CEP135: variants seen among roughly 807,000 people sequenced by gnomAD.
CEP135 encodes centrosomal protein of 135 kDa.
In CEP135, 142 loss-of-function variants were observed where a neutral mutation model predicts 157.3. That is an observed-to-expected ratio of 0.90 (90% CI 0.79 to 1.04). The LOEUF (loss-of-function observed/expected upper bound fraction) is 1.04. Ranked by LOEUF, CEP135 falls within the 50% of genes least tolerant of loss-of-function variation. CEP135 has a pLI of 0.00. For missense variants in CEP135, 1,317 were observed against 1,309.2 expected, an observed-to-expected ratio of 1.01 and a Z score of -0.09; for synonymous variants, 396 against 439.8, an observed-to-expected ratio of 0.90 and a Z score of 1.25.
At chr4:55,998,717 T>C (rs551414794) in intron 15 of CEP135, among the ~76,000 whole-genome samples, 2 of 152,198 alleles carry the variant, frequency 1.3e-5, no homozygotes, top group Non-Finnish European at 2.9e-5. Flanking sequence ...ATAGAAAAAT[T>C]AGACAGGTGT....
chr4:56,032,057 G>A lies in CEP135; in HGVS notation c.*709G>A, dbSNP rs910475370. 1.3e-5 allele frequency: 2 copies of A among 152,172 alleles called. No individual in the cohort carries two copies. The highest frequency in any genetic ancestry group is 2.9e-5 in the Non-Finnish European group (2 of 68,016). 9.4% of individuals were successfully genotyped at this position (152,172 alleles called of 1,614,324 possible). A position where few individuals can be genotyped will look rare whatever the true frequency, so the allele number is the denominator to read the frequency against. On this transcript the variant is annotated 3_prime_UTR_variant, in exon 26 of 26. Transcript: ENST00000257287. ...AAAAGCAAACTAAAAGCTATATGCAGAGTTTTGTATAAAACAATAGAACAG... is the reference window on the plus strand; with the variant it reads ...AAAAGCAAACTAAAAGCTATATGCAAAGTTTTGTATAAAACAATAGAACAG...
chr4:56,019,033 A>G (rs1730878602), intron 22 of CEP135, among the ~76,000 whole-genome samples: 1 of 152,182 alleles, frequency 6.6e-6, no homozygotes, highest in Non-Finnish European at 1.5e-5. Context: ...CAGAGTAAGC[A>G]TATTCAACCA....
At chr4:55,989,826 G>A (rs1729725580) in intron 14 of CEP135, among the ~76,000 whole-genome samples, 1 of 152,186 alleles carries the variant, frequency 6.6e-6, no homozygotes, top group African/African-American at 2.4e-5. Flanking sequence ...GTAGCTCCTA[G>A]GAGTGCAAAC....
At position 55,965,667 on chromosome 4, in the gene CEP135, T is replaced by C. The variant is rs929992509; in HGVS notation, c.852T>C (p.Asn284=). 6.2e-7 allele frequency: 1 copy of C among 1,608,704 alleles called. No individual in the cohort carries two copies. The highest frequency in any genetic ancestry group is 1.3e-5 in the African/African-American group (1 of 74,398). ...AGGTTGACTTTCTTCAGCAAGCTAA[T>C]AAAGACCTGGAGAAGCGTATACGAG... ...NIQVDFLQQA[N]KDLEKRIREL... Residue 284 remains asparagine, a synonymous_variant, in exon 8 of 26, where the codon AAT becomes AAC. Coordinates refer to ENST00000257287, the MANE Select transcript of CEP135 (RefSeq NM_025009.5).
chr4:55,991,132 C>T (rs912077064), intron 14 of CEP135, among the ~76,000 whole-genome samples: 11 of 152,072 alleles, frequency 7.2e-5, no homozygotes, highest in African/African-American at 2.4e-4. Flanking sequence ...TGTGCCACCA[C>T]GCCTAGCTAA....
At chr4:55,969,443 A>G (rs1964471) in intron 9 of CEP135, among the ~76,000 whole-genome samples, 5 of 150,904 alleles carry the variant, frequency 3.3e-5, no homozygotes, top group South Asian at 2.1e-4. Flanking sequence ...AAAAAAAAAA[A>G]AAAAAGAAAA....
At chr4:55,976,235 CAAAAAAA>C (rs749867669) in intron 11 of CEP135, among the ~76,000 whole-genome samples, 1 of 79,598 alleles carries the variant, frequency 1.3e-5, no homozygotes, top group South Asian at 4.1e-4. Flanking sequence ...GCCTGGGTGA[CAAAAAAA>C]AAAAAAAGAA....
chr4:55,975,046 T>A, intron 11 of CEP135, 77 bp downstream of exon 11: 2 of 1,067,340 alleles, frequency 1.9e-6, no homozygotes, highest in Non-Finnish European at 2.7e-6. Flanking sequence ...ATATTAAATG[T>A]AACTTTATTC....
intron 14 of CEP135, among the ~76,000 whole-genome samples, chr4:55,989,831 G>A (rs1482103002): frequency 1.3e-5 from 2 of 152,154 alleles, no homozygotes; most frequent in South Asian, 4.1e-4. Context: ...TCCTAGGAGT[G>A]CAAACTTCAT....
At chr4:55,993,932 A>G (rs1331729988) in intron 15 of CEP135, among the ~76,000 whole-genome samples, 1 of 152,182 alleles carries the variant, frequency 6.6e-6, no homozygotes, top group Admixed American at 6.5e-5. Flanking sequence ...CCTTTCTACC[A>G]GGTTACCTTG....
Position 55,964,295 on chromosome 4 carries a change from A to ATAGAACGACTGTCAGTTGC in CEP135, c.723_741dup (p.Leu248ArgfsTer14). On this transcript the variant is annotated frameshift_variant, in exon 7 of 26. Transcript: ENST00000257287. LOFTEE classifies it high-confidence loss of function. The stretch of plus-strand genomic sequence containing the variant: ...TCAGATTGAGCTAAGAGAACGAGAG[A>ATAGAACGACTGTCAGTTGC]TAGAACGACTGTCAGTTGCTTTGGA... 6.2e-7 allele frequency: 1 copy of ATAGAACGACTGTCAGTTGC among 1,612,264 alleles called. No homozygotes were observed. The highest frequency in any genetic ancestry group is 8.5e-7 in the Non-Finnish European group (1 of 1,179,364).
chr4:55,959,231 G>GT, intron 5 of CEP135, among the ~76,000 whole-genome samples: 1 of 152,184 alleles, frequency 6.6e-6, no homozygotes, highest in Non-Finnish European at 1.5e-5. Flanking sequence ...GAAGGAATAG[G>GT]TTTTTTGCTG....
At chr4:56,017,607 G>T in intron 21 of CEP135, 41 bp from the exon 22 acceptor site, 1 of 1,479,014 alleles carries the variant, frequency 6.8e-7, no homozygotes, top group Non-Finnish European at 9.1e-7. Context: ...AAAATTATTG[G>T]GTTATTTTAA....
intron 8 of CEP135, among the ~76,000 whole-genome samples, chr4:55,968,141 A>G (rs1029230020): frequency 5.3e-5 from 8 of 152,224 alleles, no homozygotes; most frequent in African/African-American, 1.9e-4. Flanking sequence ...AAGGAAATTA[A>G]GAAAGTAATC....
intron 4 of CEP135, among the ~76,000 whole-genome samples, chr4:55,955,922 G>C (rs755178828): frequency 4.9e-4 from 74 of 152,260 alleles, no homozygotes; most frequent in Non-Finnish European, 9.1e-4. Context: ...AGTCATTGGA[G>C]TCTCATGGTA....
intron 7 of CEP135, chr4:55,964,990 C>G (rs1728798546): frequency 6.6e-6 from 1 of 152,054 alleles, no homozygotes; most frequent in Non-Finnish European, 1.5e-5. Context: ...TTTGGTATGA[C>G]AGAGTTGCCT....
chr4:56,009,414 G>T (rs960530289), intron 18 of CEP135, among the ~76,000 whole-genome samples: 1 of 151,888 alleles, frequency 6.6e-6, no homozygotes, highest in African/African-American at 2.4e-5. Context: ...TGCCCGCCTC[G>T]GCCTCCCAAA....
In CEP135 at chr4:55,980,158, G is replaced by A; in HGVS notation, c.1489G>A (p.Glu497Lys). 2 of 1,608,636 alleles carry A rather than the reference G, an allele frequency of 1.2e-6. No homozygotes were observed. Among genetic ancestry groups the A allele is most frequent in the Non-Finnish European group, 1.7e-6 (2 of 1,177,840 alleles). The change falls in exon 12 of 26, where the codon GAA becomes AAA. Residue 497 changes from glutamate (E) to lysine (K), a missense_variant. Coordinates refer to ENST00000257287, the MANE Select transcript of CEP135 (RefSeq NM_025009.5). ...RTPEKGDYNS[E>K]IHQITRERDE... ...TATGTTTCAGGGTGATTACAATTCA[G>A]AAATTCATCAGATCACAAGAGAAAG... is the stretch of plus-strand genomic sequence containing the variant.
chr4:55,990,488 C>G (rs1024673087), intron 14 of CEP135, among the ~76,000 whole-genome samples: 2 of 152,016 alleles, frequency 1.3e-5, no homozygotes, highest in African/African-American at 4.8e-5. Context: ...GACTGTTTGT[C>G]CCTACACTTA....
Sources: gnomAD v4.1 joint callset for allele counts (sites outside exome capture counted in the v4.1 genomes callset) on GRCh38, gnomAD v4.1.1 for gene constraint, MANE v1.5 for transcripts, NCBI Gene and HGNC (gene_info 2026-07-23, HGNC 2026-07-21) for gene names.